Variants in UBA52 observed in about 807,000 individuals in gnomAD.
UBA52 encodes ubiquitin A-52 residue ribosomal protein fusion product 1.
A neutral mutation model predicts 15.3 loss-of-function variants in UBA52; 1 was observed. That is an observed-to-expected ratio of 0.07 (90% confidence interval 0.02 to 0.31). UBA52 has a LOEUF of 0.31. Among genes scored for constraint, UBA52 ranks in the 10% least tolerant of loss-of-function variants. The pLI, the probability that UBA52 is intolerant of heterozygous loss-of-function variation, is 1.00. For missense variants in UBA52, 87 were observed against 168.0 expected (o/e 0.52, Z 2.66); for synonymous variants, 50 against 58.3 (o/e 0.86, Z 0.65).
chr19:18,573,211 C>A, intron 1 of UBA52, 82 bp from the exon 2 acceptor site: 1 of 1,358,854 alleles, frequency 7.4e-7, no homozygotes, highest in Non-Finnish European at 1.0e-6. Context: ...AAAGGGATAG[C>A]AACTGTGGTG....
chr19:18,570,837 G>A (rs1975455186), upstream of UBA52, among the ~76,000 whole-genome samples: 2 of 151,636 alleles, frequency 1.3e-5, no homozygotes, highest in Admixed American at 6.6e-5. Flanking sequence ...ACAGGCATGC[G>A]CCACCACGCC....
At position 18,575,076 on chromosome 19, in the gene UBA52, C is replaced by T. The variant is rs781110846; in HGVS notation, c.313C>T (p.Pro105Ser). The T allele has an allele frequency of 2.5e-6, 4 of 1,614,146 alleles. No individual in the cohort carries two copies. The highest frequency in any genetic ancestry group is 2.7e-5 in the African/African-American group (2 of 74,948). The change falls in exon 5 of 5, where the codon CCT becomes TCT. Residue 105 changes from proline (P) to serine (S), a missense_variant. Coordinates refer to ENST00000442744, the MANE Select transcript of UBA52 (RefSeq NM_001033930.3). ...GTGCAGGTGCTATGCTCGCCTTCACCCTCGTGCTGTCAACTGCCGCAAGAA... is the reference window on the plus strand; with the variant it reads ...GTGCAGGTGCTATGCTCGCCTTCACTCTCGTGCTGTCAACTGCCGCAAGAA... Reference protein sequence around the residue: ...ICRKCYARLHPRAVNCRKKKC... With the variant: ...ICRKCYARLHSRAVNCRKKKC...
At chr19:18,564,778 G>A in the UBA52 span, 1 of 1,438,272 alleles carries the variant, frequency 7.0e-7, no homozygotes, top group Non-Finnish European at 9.6e-7. Flanking sequence ...TTGTGAAGCA[G>A]GCAAGGGCTT....
At chr19:18,570,936 C>T (rs1403227795), upstream of UBA52, among the ~76,000 whole-genome samples, 1 of 151,312 alleles carries the variant, frequency 6.6e-6, no homozygotes, top group African/African-American at 2.4e-5. Context: ...ATCCGCACAT[C>T]TCGGCCTCCC....
chr19:18,566,045 C>T, the UBA52 span, among the ~76,000 whole-genome samples: 2 of 152,040 alleles, frequency 1.3e-5, no homozygotes, highest in Non-Finnish European at 2.9e-5. Context: ...TGGCCAGGCT[C>T]ATCTCGAAGT....
intron 2 of UBA52, 120 bp from the exon 3 acceptor site, chr19:18,573,539 TTTG>T: frequency 1.5e-6 from 2 of 1,307,824 alleles, no homozygotes; most frequent in South Asian, 2.5e-5. Flanking sequence ...CTGAAGAACG[TTTG>T]TTATCTTCTA....
chr19:18,573,263 C>T (rs749836739), intron 1 of UBA52, 30 bp from the exon 2 acceptor site: 1 of 1,601,346 alleles, frequency 6.2e-7, no homozygotes, highest in Admixed American at 1.7e-5. Context: ...CATTGCTCAC[C>T]AGTCTATCCT....
chr19:18,571,386 C>T (rs1177438670), upstream of UBA52, among the ~76,000 whole-genome samples: 1 of 151,728 alleles, frequency 6.6e-6, no homozygotes, highest in Non-Finnish European at 1.5e-5. Context: ...TGGGCGAATG[C>T]GGTAGTACCG....
chr19:18,572,983 C>G (rs1276029326), intron 1 of UBA52: 4 of 1,199,188 alleles, frequency 3.3e-6, no homozygotes, highest in Non-Finnish European at 3.1e-6. Context: ...TCAGGAGATA[C>G]TGACGAGTCC....
upstream of UBA52, among the ~76,000 whole-genome samples, chr19:18,570,878 G>T (rs1480105280): frequency 6.6e-6 from 1 of 151,390 alleles, no homozygotes; most frequent in East Asian, 2.0e-4. Flanking sequence ...GTAGAGATGC[G>T]GTTTCTCCAT....
At chr19:18,567,185 G>T (rs375504320), upstream of UBA52, 637 of 1,614,080 alleles carry the variant, frequency 3.9e-4, no homozygotes, top group Non-Finnish European at 4.9e-4. Flanking sequence ...AGCCGTAAGT[G>T]TCACGCAGGG....
upstream of UBA52, chr19:18,568,358 C>T (rs752875752): frequency 6.9e-7 from 1 of 1,452,838 alleles, no homozygotes. Context: ...CATCACAGAG[C>T]TTGGCAAGGT....
At position 18,574,986 on chromosome 19, in the gene UBA52, G is replaced by A. The variant is rs776631693; in HGVS notation, c.293+14G>A. ...GATCTGCCGCAAGTATGTGTGCTCC[G>A]ATGCTTGGGGGGCTGTGGGGGCTGC... is the stretch of plus-strand genomic sequence containing the variant. On this transcript the variant is annotated intron_variant, in intron 4 of 4. Transcript: ENST00000442744. 48 of 1,614,002 alleles carry A rather than the reference G, an allele frequency of 3.0e-5. No individual in the cohort carries two copies. Among genetic ancestry groups the A allele is most frequent in the Non-Finnish European group, 3.8e-5 (45 of 1,180,034 alleles).
At chr19:18,566,019 C>A in the UBA52 span, among the ~76,000 whole-genome samples, 1 of 152,100 alleles carries the variant, frequency 6.6e-6, no homozygotes, top group Non-Finnish European at 1.5e-5. Flanking sequence ...TTAGTAGAGA[C>A]AGGGTTTCCC....
At chr19:18,574,652 T>TC (rs1425863130) in intron 3 of UBA52, among the ~76,000 whole-genome samples, 1 of 152,034 alleles carries the variant, frequency 6.6e-6, no homozygotes, top group Non-Finnish European at 1.5e-5. Flanking sequence ...AGTCTCAGAC[T>TC]CCCCCCAGGG....
At chr19:18,572,767 G>T (rs1262707418) in intron 1 of UBA52, 1 of 998,642 alleles carries the variant, frequency 1.0e-6, no homozygotes, top group East Asian at 1.1e-4. Flanking sequence ...TGAGAAGGAA[G>T]CTAAGAGTGT....
chr19:18,573,623 G>C (rs1271297943), intron 2 of UBA52, 39 bp from the exon 3 acceptor site: 3 of 1,602,722 alleles, frequency 1.9e-6, no homozygotes, highest in Middle Eastern at 1.7e-4. Flanking sequence ...CCAGTAATAT[G>C]GTCCGCAGAG....
In UBA52 at chr19:18,571,886, T is replaced by C. The variant is rs57151456; in HGVS notation, c.-32T>C. The C allele has an allele frequency of 2.6e-5, 4 of 153,096 alleles. No homozygotes were observed. In the East Asian group the frequency reaches 5.8e-4, roughly 22 times the overall value. The allele number at this position is 153,096 out of a possible 1,614,324, so 9.5% of individuals were successfully genotyped here. On this transcript the variant is annotated 5_prime_UTR_variant, in exon 1 of 5. Transcript: ENST00000442744. Reference sequence around the variant, plus strand: ...TTTTTCTTCAGCGAGGCGGCCGAGCTGGTTGGTGGCGGCGGTCGTGCGGGT... The same window carrying C: ...TTTTTCTTCAGCGAGGCGGCCGAGCCGGTTGGTGGCGGCGGTCGTGCGGGT...
At chr19:18,572,240 A>G (rs1225884629) in intron 1 of UBA52, 1 of 152,140 alleles carries the variant, frequency 6.6e-6, no homozygotes, top group Non-Finnish European at 1.5e-5. Flanking sequence ...GAAATACTAA[A>G]TTTCTCGAGC....
Sources: allele counts gnomAD v4.1 joint callset (sites outside exome capture counted in the v4.1 genomes callset), GRCh38; gene constraint gnomAD v4.1.1; transcripts MANE v1.5; gene names NCBI Gene and HGNC (gene_info 2026-07-23, HGNC 2026-07-21).